Variants in PFDN1 observed in about 807,000 individuals in gnomAD.
PFDN1 encodes prefoldin 1.
In PFDN1, 6 loss-of-function variants were observed where a neutral mutation model predicts 17.3. The observed-to-expected ratio is 0.35, with a 90% CI of 0.19 to 0.69. The LOEUF (loss-of-function observed/expected upper bound fraction) is 0.69, where lower values mean the gene tolerates loss of function less well. Among genes scored for constraint, PFDN1 ranks in the 30% least tolerant of loss-of-function variants. PFDN1 has a pLI of 0.65. For missense variants in PFDN1, 113 were observed against 146.2 expected, an observed-to-expected ratio of 0.77 and a Z score of 1.17; for synonymous variants, 58 against 50.1, an observed-to-expected ratio of 1.16 and a Z score of -0.67.
intron 2 of PFDN1, among the ~76,000 whole-genome samples, chr5:140,283,585 C>T (rs998328937): frequency 1.3e-5 from 2 of 152,186 alleles, no homozygotes; most frequent in African/African-American, 2.4e-5. Flanking sequence ...TTTGTAAAAC[C>T]TTACTGTATA....
intron 2 of PFDN1, among the ~76,000 whole-genome samples, chr5:140,288,543 A>G (rs1271401856): frequency 1.3e-5 from 2 of 152,226 alleles, no homozygotes; most frequent in Non-Finnish European, 2.9e-5. Flanking sequence ...ATAATTTATC[A>G]ATATGTTTTC....
intron 3 of PFDN1, among the ~76,000 whole-genome samples, chr5:140,263,755 C>T (rs891860016): frequency 6.6e-5 from 10 of 152,008 alleles, no homozygotes; most frequent in South Asian, 2.1e-4. Flanking sequence ...GGCGTGGTGG[C>T]TCATGCCTGT....
intron 2 of PFDN1, among the ~76,000 whole-genome samples, chr5:140,298,812 T>C (rs1202064627): frequency 6.6e-6 from 1 of 152,014 alleles, no homozygotes; most frequent in East Asian, 1.9e-4. Context: ...TGGAGTGTAA[T>C]GGCGCAATCT....
intron 3 of PFDN1, among the ~76,000 whole-genome samples, chr5:140,260,654 T>C (rs1377716000): frequency 6.6e-6 from 1 of 150,554 alleles, no homozygotes; most frequent in East Asian, 1.9e-4. Context: ...CAGAGACAGA[T>C]AGAAAACAGA....
intron 3 of PFDN1, among the ~76,000 whole-genome samples, chr5:140,279,448 G>A (rs774089346): frequency 1.1e-4 from 16 of 151,602 alleles, no homozygotes; most frequent in African/African-American, 3.9e-4. Flanking sequence ...TCAGCAGTAC[G>A]GTATTGATAA....
At chr5:140,286,676 G>A (rs1050286150) in intron 2 of PFDN1, among the ~76,000 whole-genome samples, 6 of 125,434 alleles carry the variant, frequency 4.8e-5, no homozygotes, top group African/African-American at 1.8e-4. Flanking sequence ...TGCCACCTCA[G>A]CTCACTGCAA....
At chr5:140,293,508 T>C (rs574620003) in intron 2 of PFDN1, among the ~76,000 whole-genome samples, 1 of 152,104 alleles carries the variant, frequency 6.6e-6, no homozygotes, top group Non-Finnish European at 1.5e-5. Context: ...TTTTTAACAA[T>C]AGACATCTAA....
chr5:140,273,306 C>T (rs896337461), intron 3 of PFDN1, among the ~76,000 whole-genome samples: 3 of 151,782 alleles, frequency 2.0e-5, no homozygotes, highest in Non-Finnish European at 2.9e-5. Flanking sequence ...ACAGTAGAGT[C>T]CACCTGACAT....
chr5:140,293,726 A>G (rs1399027725), intron 2 of PFDN1, among the ~76,000 whole-genome samples: 1 of 152,078 alleles, frequency 6.6e-6, no homozygotes, highest in Non-Finnish European at 1.5e-5. Context: ...GCAGAGTTAT[A>G]ATGAACATCA....
At chr5:140,264,981 G>A (rs1765116207) in intron 3 of PFDN1, among the ~76,000 whole-genome samples, 1 of 152,156 alleles carries the variant, frequency 6.6e-6, no homozygotes, top group South Asian at 2.1e-4. Flanking sequence ...TTCAAAACTA[G>A]TTCAAAACTC....
intron 2 of PFDN1, among the ~76,000 whole-genome samples, chr5:140,290,976 A>G (rs1268237222): frequency 6.6e-6 from 1 of 152,200 alleles, no homozygotes; most frequent in Non-Finnish European, 1.5e-5. Context: ...TTAGGTGTAT[A>G]CTTTTAAATA....
chr5:140,278,587 A>AAAAAAAAAAAC (rs1561508718), intron 3 of PFDN1, among the ~76,000 whole-genome samples: 1 of 131,784 alleles, frequency 7.6e-6, no homozygotes, highest in African/African-American at 2.9e-5. Flanking sequence ...AAAAAAAAAA[A>AAAAAAAAAAAC]CAAAAAACAA....
At chr5:140,280,047 AAAAG>A (rs1293945740) in intron 3 of PFDN1, among the ~76,000 whole-genome samples, 1 of 151,164 alleles carries the variant, frequency 6.6e-6, no homozygotes, top group African/African-American at 2.4e-5. Flanking sequence ...GAAAGAAAGA[AAAAG>A]AAAAAATCAT....
chr5:140,295,641 A>C (rs1180931696), intron 2 of PFDN1, among the ~76,000 whole-genome samples: 1 of 152,208 alleles, frequency 6.6e-6, no homozygotes, highest in East Asian at 1.9e-4. Context: ...AACACGCCAA[A>C]AGACTGGATG....
chr5:140,265,537 A>C (rs973721189), intron 3 of PFDN1, among the ~76,000 whole-genome samples: 9 of 152,050 alleles, frequency 5.9e-5, no homozygotes, highest in African/African-American at 2.2e-4. Context: ...CAACATCTCT[A>C]CTTGGGTGTC....
At chr5:140,299,595 C>CA (rs35272103) in intron 2 of PFDN1, among the ~76,000 whole-genome samples, 493 of 91,054 alleles carry the variant, frequency 5.4e-3, no homozygotes, top group Middle Eastern at 0.023. Context: ...GACTCTGTCT[C>CA]AAAAAAAAAA....
At chr5:140,292,641 TA>T (rs1765596168) in intron 2 of PFDN1, among the ~76,000 whole-genome samples, 1 of 152,140 alleles carries the variant, frequency 6.6e-6, no homozygotes, top group African/African-American at 2.4e-5. Flanking sequence ...CAAGAGTTGG[TA>T]ATAAGAGTTC....
intron 2 of PFDN1, among the ~76,000 whole-genome samples, chr5:140,298,603 G>A (rs1225520129): frequency 6.6e-6 from 1 of 151,814 alleles, no homozygotes; most frequent in Non-Finnish European, 1.5e-5. Flanking sequence ...TCTCACAAGG[G>A]CAATATGCTT....
At chr5:140,301,750 CG>C (rs1765750612) in intron 1 of PFDN1, among the ~76,000 whole-genome samples, 1 of 152,094 alleles carries the variant, frequency 6.6e-6, no homozygotes. Flanking sequence ...TCAAAAGTAC[CG>C]GGAGGCAAAT....
Sources: allele counts gnomAD v4.1 joint callset (sites outside exome capture counted in the v4.1 genomes callset), GRCh38; gene constraint gnomAD v4.1.1; transcripts MANE v1.5; gene names NCBI Gene and HGNC (gene_info 2026-07-23, HGNC 2026-07-21).